Variants in NOX3 observed in about 807,000 individuals in gnomAD.
NOX3 encodes the protein NADPH oxidase 3, also known as NADPH oxidase catalytic subunit-like 3.
Under a neutral mutation model 76.7 loss-of-function variants are expected in NOX3, and 74 were observed. The ratio of observed to expected loss-of-function variants is 0.96; its 90% CI spans 0.80 to 1.17. The LOEUF (loss-of-function observed/expected upper bound fraction) is 1.17, where lower values mean the gene tolerates loss of function less well. NOX3 is among the 50% of genes most tolerant of loss of function. The pLI, the probability that NOX3 is intolerant of heterozygous loss-of-function variation, is 0.00. For missense variants in NOX3, 695 were observed against 703.3 expected (o/e 0.99, Z 0.13); for synonymous variants, 263 against 261.1 (o/e 1.01, Z -0.07).
chr6:155,402,924 T>C (rs1488698123), intron 12 of NOX3, among the ~76,000 whole-genome samples: 1 of 152,226 alleles, frequency 6.6e-6, no homozygotes, highest in Admixed American at 6.5e-5. Context: ...TGCCAAAAGA[T>C]ATGAGCTAAC....
intron 12 of NOX3, among the ~76,000 whole-genome samples, chr6:155,405,900 C>T (rs1582926784): frequency 6.6e-6 from 1 of 152,204 alleles, no homozygotes; most frequent in Admixed American, 6.5e-5. Context: ...CTGTAAGTGC[C>T]TTCCCCTGTG....
chr6:155,448,466 TA>T (rs1299641893), intron 4 of NOX3, among the ~76,000 whole-genome samples: 1 of 152,100 alleles, frequency 6.6e-6, no homozygotes, highest in Non-Finnish European at 1.5e-5. Flanking sequence ...CACATTTCCA[TA>T]ACCCACTCAA....
chr6:155,445,876 A>ATATATATATGCTATATATATATAT (rs1562471994), intron 4 of NOX3, among the ~76,000 whole-genome samples: 2 of 122,822 alleles, frequency 1.6e-5, no homozygotes, highest in Non-Finnish European at 3.3e-5. Flanking sequence ...ATACATATAT[A>ATATATATATGCTATATATATATAT]TATATATATG....
At chr6:155,411,510 C>T in intron 10 of NOX3, 150 bp from the exon 11 acceptor site, 2 of 659,980 alleles carry the variant, frequency 3.0e-6, no homozygotes, top group South Asian at 2.8e-5. Flanking sequence ...AGTGAACAAA[C>T]AGTCACACTG....
intron 12 of NOX3, among the ~76,000 whole-genome samples, chr6:155,400,175 G>A (rs1230188690): frequency 6.6e-6 from 1 of 152,148 alleles, no homozygotes; most frequent in Non-Finnish European, 1.5e-5. Flanking sequence ...TGCATGAAAG[G>A]CATCCAAAAT....
At chr6:155,448,565 A>G (rs1340895966) in intron 4 of NOX3, among the ~76,000 whole-genome samples, 1 of 152,002 alleles carries the variant, frequency 6.6e-6, no homozygotes, top group East Asian at 1.9e-4. Context: ...GCAATTTTGG[A>G]AACACTACAC....
At chr6:155,448,183 A>T (rs11967314) in intron 4 of NOX3, among the ~76,000 whole-genome samples, 137 of 152,288 alleles carry the variant, frequency 9.0e-4, no homozygotes, top group African/African-American at 3.1e-3. Flanking sequence ...AAACAAGGTT[A>T]TCTAAGCCCC....
At chr6:155,421,919 C>T (rs1776694172) in intron 10 of NOX3, among the ~76,000 whole-genome samples, 1 of 152,166 alleles carries the variant, frequency 6.6e-6, no homozygotes, top group African/African-American at 2.4e-5. Context: ...ACAGATGTCC[C>T]ATGGTTTACA....
intron 5 of NOX3, 131 bp from the exon 6 acceptor site, chr6:155,440,268 A>G (rs1425935619): frequency 7.3e-6 from 5 of 687,250 alleles, no homozygotes; most frequent in Admixed American, 6.6e-5. Flanking sequence ...GCCGTTCACA[A>G]TGTTTCACTC....
At chr6:155,434,712 T>C (rs1776879075) in intron 7 of NOX3, among the ~76,000 whole-genome samples, 1 of 152,162 alleles carries the variant, frequency 6.6e-6, no homozygotes, top group African/African-American at 2.4e-5. Context: ...CATCACACAC[T>C]TCATTTTGGT....
intron 6 of NOX3, among the ~76,000 whole-genome samples, chr6:155,437,949 T>C (rs1024172723): frequency 1.3e-5 from 2 of 152,226 alleles, no homozygotes; most frequent in Admixed American, 1.3e-4. Context: ...GAGGCCCTTA[T>C]CCTAAAATAA....
intron 10 of NOX3, among the ~76,000 whole-genome samples, chr6:155,413,254 G>T (rs1170584581): frequency 2.0e-5 from 3 of 152,170 alleles, no homozygotes; most frequent in African/African-American, 7.2e-5. Flanking sequence ...ATGGTGGGAA[G>T]TGCGGAGGTC....
intron 12 of NOX3, among the ~76,000 whole-genome samples, chr6:155,406,521 T>C (rs776833556): frequency 1.3e-4 from 20 of 152,238 alleles, no homozygotes; most frequent in Non-Finnish European, 2.5e-4. Context: ...CTAGTGCTTC[T>C]TGCAAACTCC....
intron 11 of NOX3, among the ~76,000 whole-genome samples, chr6:155,409,666 T>C (rs1776515404): frequency 6.6e-6 from 1 of 152,218 alleles, no homozygotes. Flanking sequence ...AAACAGCCTC[T>C]TGATTCTTTC....
chr6:155,418,767 G>T (rs1776652088), intron 10 of NOX3, among the ~76,000 whole-genome samples: 1 of 152,240 alleles, frequency 6.6e-6, no homozygotes, highest in African/African-American at 2.4e-5. Context: ...AGAGGAGAAG[G>T]GTAAAGAAGT....
At chr6:155,401,896 G>C (rs1159834771) in intron 12 of NOX3, among the ~76,000 whole-genome samples, 2 of 151,616 alleles carry the variant, frequency 1.3e-5, no homozygotes, top group African/African-American at 4.8e-5. Flanking sequence ...TAGGTCAAAA[G>C]TAGAAAACTA....
intron 9 of NOX3, among the ~76,000 whole-genome samples, chr6:155,427,808 G>A (rs576242323): frequency 1.2e-3 from 186 of 152,292 alleles, no homozygotes; most frequent in Non-Finnish European, 2.2e-3. Context: ...TTGACCCGAA[G>A]CCATTGTTTA....
At chr6:155,413,742 TG>T (rs1776585800) in intron 10 of NOX3, among the ~76,000 whole-genome samples, 1 of 152,164 alleles carries the variant, frequency 6.6e-6, no homozygotes, top group Non-Finnish European at 1.5e-5. Context: ...TCCCTGGCCT[TG>T]GTAGCCTGTT....
rs1776791436 is a variant in NOX3, at chr6:155,428,782, A to G, written c.1145+12T>C. On this transcript the variant is annotated intron_variant, in intron 9 of 13. Coordinates refer to ENST00000159060, the MANE Select transcript of NOX3 (RefSeq NM_015718.3). ...ATACTGCAATTTATACATGAGAGAA[A>G]TGGGCACGAACCTTGGCAGGCTCCA... 6.8e-7 allele frequency: 1 copy of G among 1,473,430 alleles called. No homozygotes were observed. The highest frequency in any genetic ancestry group is 9.0e-7 in the Non-Finnish European group (1 of 1,108,220). The allele number at this position is 1,473,430 out of a possible 1,614,324, so 91.3% of individuals were successfully genotyped here.
Sources: gnomAD v4.1 joint callset for allele counts (sites outside exome capture counted in the v4.1 genomes callset) on GRCh38, gnomAD v4.1.1 for gene constraint, MANE v1.5 for transcripts, NCBI Gene and HGNC (gene_info 2026-07-23, HGNC 2026-07-21) for gene names.